Variants in PSD3 observed in about 807,000 individuals in gnomAD.
PSD3 encodes PH and SEC7 domain-containing protein 3.
PSD3 carries 49 observed loss-of-function variants against 105.5 expected under a neutral mutation model. The ratio of observed to expected loss-of-function variants is 0.46; its 90% confidence interval spans 0.37 to 0.59. The LOEUF is 0.59. Ranked by LOEUF, PSD3 falls within the 20% of genes least tolerant of loss-of-function variation. PSD3 has a pLI of 0.00. For synonymous variants in PSD3, 557 were observed against 457.8 expected (o/e 1.22, Z -2.77); for missense variants, 1,561 against 1,263.8 (o/e 1.24, Z -3.57).
At chr8:18,632,445 G>A (rs1291101396) in intron 11 of PSD3, among the ~76,000 whole-genome samples, 168 bp downstream of exon 11, 1 of 152,020 alleles carries the variant, frequency 6.6e-6, no homozygotes. Context: ...AGAAGAGCAG[G>A]TGCCACATTG....
chr8:18,812,972 T>G (rs1811823869), intron 4 of PSD3, among the ~76,000 whole-genome samples: 1 of 152,002 alleles, frequency 6.6e-6, no homozygotes, highest in African/African-American at 2.4e-5. Flanking sequence ...TTGCTTGTGG[T>G]GTGGAGGGAA....
intron 9 of PSD3, among the ~76,000 whole-genome samples, chr8:18,669,161 T>C (rs1398833137): frequency 6.6e-6 from 1 of 152,166 alleles, no homozygotes; most frequent in Non-Finnish European, 1.5e-5. Flanking sequence ...ACAACAAATA[T>C]TTGATTATAA....
At chr8:18,725,102 G>A (rs1803256039) in intron 9 of PSD3, among the ~76,000 whole-genome samples, 1 of 152,186 alleles carries the variant, frequency 6.6e-6, no homozygotes, top group African/African-American at 2.4e-5. Flanking sequence ...GCAGCAAACA[G>A]GTTCTACGTA....
At chr8:18,556,103 C>T in intron 15 of PSD3, 106 bp downstream of exon 15, 1 of 1,346,518 alleles carries the variant, frequency 7.4e-7, no homozygotes. Context: ...GAGCCAGGGG[C>T]AAGACACGCC....
intron 1 of PSD3, among the ~76,000 whole-genome samples, chr8:18,977,251 C>A (rs1181294274): frequency 8.0e-6 from 1 of 124,416 alleles, no homozygotes; most frequent in South Asian, 3.0e-4. Flanking sequence ...CAGAACAACA[C>A]CCTATCTCAA....
chr8:18,673,399 T>TTAA (rs1250335441), intron 9 of PSD3, among the ~76,000 whole-genome samples: 1 of 152,136 alleles, frequency 6.6e-6, no homozygotes, highest in Non-Finnish European at 1.5e-5. Context: ...TTCCCTGGAG[T>TTAA]TAATCATCAT....
chr8:18,720,044 T>G (rs1230113471), intron 9 of PSD3, among the ~76,000 whole-genome samples: 2 of 152,122 alleles, frequency 1.3e-5, no homozygotes, highest in Non-Finnish European at 2.9e-5. Flanking sequence ...TAAAATAGAA[T>G]TCCATGGGCA....
intron 1 of PSD3, among the ~76,000 whole-genome samples, chr8:18,960,599 C>A (rs1823853614): frequency 6.6e-6 from 1 of 152,154 alleles, no homozygotes; most frequent in African/African-American, 2.4e-5. Context: ...TGACATTGTT[C>A]ACACAACAGG....
chr8:18,687,929 G>A (rs1563172169), intron 9 of PSD3, among the ~76,000 whole-genome samples: 2 of 151,942 alleles, frequency 1.3e-5, no homozygotes, highest in Admixed American at 1.3e-4. Flanking sequence ...CACCATGCCT[G>A]GGTAATTTTT....
intron 1 of PSD3, chr8:19,001,038 C>G (rs941799111): frequency 1.3e-5 from 2 of 151,828 alleles, no homozygotes; most frequent in African/African-American, 2.4e-5. Flanking sequence ...CACACATTCT[C>G]TGAGCACCTG....
chr8:18,800,747 A>G (rs534051304), intron 7 of PSD3, among the ~76,000 whole-genome samples: 1 of 152,338 alleles, frequency 6.6e-6, no homozygotes, highest in Non-Finnish European at 1.5e-5. Context: ...AGTACAATTA[A>G]TATCAAACGA....
chr8:18,680,887 G>T (rs1054732600), intron 9 of PSD3, among the ~76,000 whole-genome samples: 2 of 152,080 alleles, frequency 1.3e-5, no homozygotes, highest in African/African-American at 2.4e-5. Flanking sequence ...AAAATTAAAA[G>T]CAAAACTTCT....
At chr8:19,065,468 C>A (rs1040084720) in intron 1 of PSD3, among the ~76,000 whole-genome samples, 2 of 152,152 alleles carry the variant, frequency 1.3e-5, no homozygotes, top group Non-Finnish European at 2.9e-5. Context: ...CACAAGACAC[C>A]AGTTTTATGT....
chr8:18,943,079 G>A (rs1464253661), intron 1 of PSD3, among the ~76,000 whole-genome samples: 1 of 152,162 alleles, frequency 6.6e-6, no homozygotes, highest in Non-Finnish European at 1.5e-5. Context: ...GGTTTTCCCA[G>A]CTGTGTACAT....
At position 18,572,654 on chromosome 8, in the gene PSD3, T is replaced by A. The variant is rs1350343653; in HGVS notation, c.2658A>T (p.Gln886His). ...CACAATTGATTTTGTTTATCCACCCTTGCATTTCCTCTGGGCTCCTATGAG... is the reference window on the plus strand; with the variant it reads ...CACAATTGATTTTGTTTATCCACCCATGCATTTCCTCTGGGCTCCTATGAG... The part of the protein sequence containing the change: ...LFQTQSPEEM[Q>H]GWINKINCVA... Residue 886 changes from glutamine to histidine, a missense_variant, in exon 14 of 16, where the codon CAA (glutamine) becomes CAT (histidine). Transcript: ENST00000327040. The A allele has an allele frequency of 6.2e-7, 1 of 1,613,900 alleles. No individual in the cohort carries two copies. The highest frequency in any genetic ancestry group is 1.3e-5 in the African/African-American group (1 of 74,938).
At position 19,082,621 on chromosome 8, in the gene PSD3, C is replaced by T. The variant is rs1395219418; in HGVS notation, c.324+1585G>A. Among the ~76,000 whole-genome samples the T allele has an allele frequency of 2.6e-5, 4 of 152,276 alleles. No individual in the cohort carries two copies. The Middle Eastern group carries it at 0.01, about 388-fold the overall frequency. ...AAGGGTGAGATCCACACACTTGGAC[C>T]AATTCCCAAAGTGCCTCTTCCCAGA... On this transcript the variant is annotated intron_variant, in intron 1 of 1. Transcript: ENST00000521475.
intron 8 of PSD3, among the ~76,000 whole-genome samples, chr8:18,777,763 T>C (rs1406547451): frequency 6.6e-6 from 1 of 152,138 alleles, no homozygotes; most frequent in Non-Finnish European, 1.5e-5. Context: ...ACTTATTCCT[T>C]CTAACTATAT....
chr8:18,615,373 T>C (rs13255675), intron 11 of PSD3, among the ~76,000 whole-genome samples: 47,302 of 152,070 alleles, frequency 0.31, 7,646 homozygotes, highest in Middle Eastern at 0.45. Context: ...AATAAGGGAA[T>C]GACACAGCAG....
chr8:18,891,524 C>A (rs1221984527), intron 2 of PSD3, among the ~76,000 whole-genome samples: 1 of 152,010 alleles, frequency 6.6e-6, no homozygotes, highest in Non-Finnish European at 1.5e-5. Flanking sequence ...CCTACAGTAT[C>A]CATTCACTAG....
Sources: gnomAD v4.1 joint callset for allele counts (sites outside exome capture counted in the v4.1 genomes callset) on GRCh38, gnomAD v4.1.1 for gene constraint, MANE v1.5 for transcripts, NCBI Gene and HGNC (gene_info 2026-07-23, HGNC 2026-07-21) for gene names.